The following NRP1 variants were observed in gnomAD, a reference collection of about 807,000 sequenced individuals.
NRP1 encodes neuropilin 1.
Under a neutral mutation model 106.7 loss-of-function variants are expected in NRP1, and 35 were observed. The observed-to-expected ratio is 0.33, with a 90% CI of 0.25 to 0.43. The LOEUF is 0.43. Ranked by LOEUF, NRP1 falls within the 20% of genes least tolerant of loss-of-function variation. The pLI is 1.00. For missense variants in NRP1, 1,024 were observed against 1,170.4 expected (o/e 0.87, Z 1.83); for synonymous variants, 437 against 417.9 (o/e 1.05, Z -0.56).
At chr10:33,264,069 C>T (rs1404471818) in intron 3 of NRP1, among the ~76,000 whole-genome samples, 196 bp from the exon 4 acceptor site, 2 of 152,170 alleles carry the variant, frequency 1.3e-5, no homozygotes, top group East Asian at 1.9e-4. Flanking sequence ...ATTGTGTTAA[C>T]CTTAGCTTTC....
At chr10:33,280,967 T>C (rs1227176783) in intron 2 of NRP1, among the ~76,000 whole-genome samples, 1 of 149,800 alleles carries the variant, frequency 6.7e-6, no homozygotes, top group Non-Finnish European at 1.5e-5. Flanking sequence ...TGAGACCTTG[T>C]CTCAAAAGAA....
chr10:33,322,258 A>C (rs935341402), intron 2 of NRP1, among the ~76,000 whole-genome samples: 1 of 152,172 alleles, frequency 6.6e-6, no homozygotes, highest in African/African-American at 2.4e-5. Flanking sequence ...GCTTTAAATA[A>C]ACATTGTATT....
intron 3 of NRP1, among the ~76,000 whole-genome samples, chr10:33,268,235 T>C (rs1236361839): frequency 6.6e-6 from 1 of 152,184 alleles, no homozygotes; most frequent in Non-Finnish European, 1.5e-5. Flanking sequence ...AGGACCTCAA[T>C]CTTGCCCAGT....
chr10:33,230,816 T>C (rs1310998278), intron 6 of NRP1, among the ~76,000 whole-genome samples: 1 of 152,214 alleles, frequency 6.6e-6, no homozygotes, highest in Non-Finnish European at 1.5e-5. Context: ...ATGTAAAATT[T>C]AAAATATTAA....
intron 2 of NRP1, among the ~76,000 whole-genome samples, chr10:33,319,106 G>A (rs1588986445): frequency 6.8e-6 from 1 of 146,614 alleles, no homozygotes; most frequent in Non-Finnish European, 1.5e-5. Context: ...CCGGGTTCAC[G>A]CCATTCTCCT....
chr10:33,195,712 G>T, intron 12 of NRP1: 1 of 368,818 alleles, frequency 2.7e-6, no homozygotes. Flanking sequence ...GCCAGAAGGT[G>T]ACAATCAACA....
chr10:33,179,947 C>CATACTCAT lies in NRP1; in HGVS notation c.*128_*129insATGAGTAT, dbSNP rs1835575349. 7.6e-6 allele frequency: 7 copies of CATACTCAT among 925,254 alleles called. No individual in the cohort carries two copies. The highest frequency in any genetic ancestry group is 2.2e-4 in the Middle Eastern group (1 of 4,500). The allele number at this position is 925,254 out of a possible 1,614,324, so 57.3% of individuals were successfully genotyped here. On this transcript the variant is annotated 3_prime_UTR_variant, in exon 17 of 17. Transcript: ENST00000374867. ...CTGTCGGCCATACTCATTGAAGCTC[C>CATACTCAT]TGAGAAAAGCCTGGCTCAGTGGTCA...
chr10:33,202,474 A>C, intron 11 of NRP1: 5 of 752,044 alleles, frequency 6.6e-6, no homozygotes, highest in Non-Finnish European at 9.8e-6. Context: ...CATTTGTTGG[A>C]TAAAGGATCC....
At chr10:33,250,712 C>T (rs910642454) in intron 6 of NRP1, among the ~76,000 whole-genome samples, 7 of 152,202 alleles carry the variant, frequency 4.6e-5, no homozygotes, top group Non-Finnish European at 7.3e-5. Flanking sequence ...TCAGCAATCT[C>T]GTTTTTAAAA....
intron 2 of NRP1, among the ~76,000 whole-genome samples, chr10:33,274,280 C>T (rs1588896781): frequency 6.6e-6 from 1 of 152,138 alleles, no homozygotes; most frequent in African/African-American, 2.4e-5. Context: ...TCCATTATTT[C>T]CCCAGACTCC....
At chr10:33,257,912 C>T (rs1234859478) in intron 4 of NRP1, among the ~76,000 whole-genome samples, 2 of 152,070 alleles carry the variant, frequency 1.3e-5, no homozygotes, top group Non-Finnish European at 2.9e-5. Flanking sequence ...ACTGTTTTCC[C>T]CTCCAAGAAA....
At chr10:33,278,782 C>T (rs965414722) in intron 2 of NRP1, among the ~76,000 whole-genome samples, 2 of 152,058 alleles carry the variant, frequency 1.3e-5, no homozygotes, top group African/African-American at 2.4e-5. Context: ...GCTCACAAAG[C>T]TAATCTCACA....
chr10:33,220,287 C>T (rs1212433327), intron 8 of NRP1, among the ~76,000 whole-genome samples: 1 of 151,982 alleles, frequency 6.6e-6, no homozygotes, highest in African/African-American at 2.4e-5. Flanking sequence ...GTATCATTCT[C>T]CTCTAAAAAT....
At chr10:33,229,195 T>C (rs1400376015) in intron 6 of NRP1, among the ~76,000 whole-genome samples, 2 of 152,226 alleles carry the variant, frequency 1.3e-5, no homozygotes, top group Non-Finnish European at 2.9e-5. Context: ...CAAATTTAAA[T>C]GGATTTTCTG....
intron 5 of NRP1, 53 bp from the exon 6 acceptor site, chr10:33,254,247 C>A: frequency 1.3e-6 from 2 of 1,498,838 alleles, no homozygotes; most frequent in Non-Finnish European, 1.8e-6. Flanking sequence ...ATTTAAGATG[C>A]ATTTTTCTTT....
At chr10:33,281,152 C>T (rs974445420) in intron 2 of NRP1, among the ~76,000 whole-genome samples, 4 of 151,652 alleles carry the variant, frequency 2.6e-5, no homozygotes, top group Non-Finnish European at 5.9e-5. Flanking sequence ...AAGGTTCAAG[C>T]GATTCTCCTG....
chr10:33,282,066 A>G (rs1452762244), intron 2 of NRP1, among the ~76,000 whole-genome samples: 1 of 152,198 alleles, frequency 6.6e-6, no homozygotes, highest in Non-Finnish European at 1.5e-5. Context: ...CTCAAAGCTC[A>G]ATCAATTAAA....
chr10:33,241,489 G>T (rs1841013733), intron 6 of NRP1, among the ~76,000 whole-genome samples: 1 of 152,084 alleles, frequency 6.6e-6, no homozygotes, highest in South Asian at 2.1e-4. Flanking sequence ...CCCTAGCACT[G>T]CCTGAAGTCC....
intron 2 of NRP1, among the ~76,000 whole-genome samples, chr10:33,324,570 A>G (rs1028347186): frequency 1.2e-4 from 19 of 152,200 alleles, no homozygotes; most frequent in African/African-American, 3.9e-4. Flanking sequence ...TTTTGATTAG[A>G]AATAGTACCT....
Sources: gnomAD v4.1 joint callset for allele counts (sites outside exome capture counted in the v4.1 genomes callset) on GRCh38, gnomAD v4.1.1 for gene constraint, MANE v1.5 for transcripts, NCBI Gene and HGNC (gene_info 2026-07-23, HGNC 2026-07-21) for gene names.